RFWD3: variants seen among roughly 807,000 people sequenced by gnomAD.
The protein encoded by RFWD3 is ring finger and WD repeat domain 3, also known as E3 ubiquitin-protein ligase RFWD3.
Under a neutral mutation model 87.7 loss-of-function variants are expected in RFWD3, and 65 were observed. That is an observed-to-expected ratio of 0.74 (90% CI 0.61 to 0.91). The LOEUF (loss-of-function observed/expected upper bound fraction) is 0.91, where lower values mean the gene tolerates loss of function less well. Among genes scored for constraint, RFWD3 ranks in the 40% least tolerant of loss-of-function variants. The probability of loss-of-function intolerance (pLI) is 0.00; values close to 1 mark genes in which losing one functional copy is unlikely to be tolerated. For synonymous variants in RFWD3, 433 were observed against 352.8 expected (o/e 1.23, Z -2.55); for missense variants, 1,078 against 938.5 (o/e 1.15, Z -1.94).
At chr16:74,638,449 A>T (rs1476771478) in intron 6 of RFWD3, among the ~76,000 whole-genome samples, 1 of 152,266 alleles carries the variant, frequency 6.6e-6, no homozygotes, top group Admixed American at 6.5e-5. Context: ...ATAAATAGGC[A>T]TAACGAGGAA....
At chr16:74,665,585 G>T (rs1044159000) in intron 1 of RFWD3, among the ~76,000 whole-genome samples, 9 of 151,222 alleles carry the variant, frequency 6.0e-5, no homozygotes, top group Admixed American at 2.0e-4. Flanking sequence ...CTCAAAAAAA[G>T]AAAGAAAAAA....
intron 6 of RFWD3, among the ~76,000 whole-genome samples, chr16:74,641,718 T>A (rs1959662102): frequency 6.6e-6 from 1 of 151,050 alleles, no homozygotes; most frequent in Non-Finnish European, 1.5e-5. Flanking sequence ...AGGTCAGGAG[T>A]TCCAGACCAG....
In RFWD3 at chr16:74,644,697, A is replaced by T. The variant is rs1959972162; in HGVS notation, c.831T>A (p.Ala277=). 3 of 1,614,086 alleles carry T rather than the reference A, an allele frequency of 1.9e-6. No homozygotes were observed. Among genetic ancestry groups the T allele is most frequent in the Non-Finnish European group, 2.5e-6 (3 of 1,180,026 alleles). ...TGTCCCCTTCTTCCTCATCCATAGA[A>T]GCAGAAGGTAGCAGAGGCTCAGACT... ...PQKSEPLLPS[A]SMDEEEGDTC... is the part of the protein sequence containing the mutation. The change falls in exon 5 of 13, where the codon GCT becomes GCA. Residue 277 remains alanine (A), a synonymous_variant. Transcript: ENST00000361070.
At chr16:74,641,888 T>C (rs900132705) in intron 6 of RFWD3, among the ~76,000 whole-genome samples, 51 of 118,006 alleles carry the variant, frequency 4.3e-4, no homozygotes, top group Admixed American at 3.2e-3. Context: ...GATTGCACCA[T>C]TGCAATCCAG....
intron 2 of RFWD3, among the ~76,000 whole-genome samples, chr16:74,653,694 G>A (rs1006592362): frequency 1.3e-5 from 2 of 151,982 alleles, no homozygotes; most frequent in African/African-American, 2.4e-5. Flanking sequence ...ATTACTGACA[G>A]GTGACCTACT....
At chr16:74,637,418 G>T (rs1003211309) in intron 7 of RFWD3, among the ~76,000 whole-genome samples, 5 of 152,232 alleles carry the variant, frequency 3.3e-5, no homozygotes, top group South Asian at 2.1e-4. Context: ...CCTGAAGTCA[G>T]GTGTTCAAGA....
At chr16:74,643,821 G>A (rs556701985) in intron 6 of RFWD3, among the ~76,000 whole-genome samples, 131 of 152,000 alleles carry the variant, frequency 8.6e-4, no homozygotes, top group South Asian at 2.9e-3. Flanking sequence ...GATTACAGGC[G>A]TCCGCCACTA....
rs1049008501 is a variant in RFWD3, at chr16:74,649,052, A to C, written c.792+80T>G. Reference sequence around the variant, plus strand: ...AGTTATGACTGCACCACTGCACTCTAGCCTGGGTGAGAGTGAGACCTAGTC... The same window carrying C: ...AGTTATGACTGCACCACTGCACTCTCGCCTGGGTGAGAGTGAGACCTAGTC... On this transcript the variant is annotated intron_variant, in intron 4 of 12. Coordinates refer to ENST00000361070, the MANE Select transcript of RFWD3 (RefSeq NM_018124.4). The C allele has an allele frequency of 5.6e-6, 5 of 889,370 alleles. No individual in the cohort carries two copies. The African/African-American group carries it at 8.9e-5, about 16-fold the overall frequency. 55.1% of individuals were successfully genotyped at this position (889,370 alleles called of 1,614,324 possible). A position where few individuals can be genotyped will look rare whatever the true frequency, so the allele number is the denominator to read the frequency against.
chr16:74,624,969 G>A (rs8052367), intron 12 of RFWD3, among the ~76,000 whole-genome samples: 88,276 of 151,790 alleles, frequency 0.58, 26,960 homozygotes, highest in African/African-American at 0.77. Context: ...AGCCTGGACC[G>A]AGTAAGATAC....
intron 12 of RFWD3, among the ~76,000 whole-genome samples, chr16:74,625,251 T>C (rs113598490): frequency 0.13 from 18,828 of 148,010 alleles, 1,442 homozygotes; most frequent in Admixed American, 0.24. Context: ...GAGAGCACGG[T>C]GGCTCATGCT....
intron 10 of RFWD3, among the ~76,000 whole-genome samples, chr16:74,630,390 A>C (rs1959057361): frequency 6.6e-6 from 1 of 152,076 alleles, no homozygotes; most frequent in Non-Finnish European, 1.5e-5. Context: ...AAGCCACCGC[A>C]CCCAGCGACA....
chr16:74,646,058 ATATT>A (rs1410856091), intron 4 of RFWD3, among the ~76,000 whole-genome samples: 2 of 152,010 alleles, frequency 1.3e-5, no homozygotes, highest in East Asian at 3.9e-4. Flanking sequence ...AGTCACAAAT[ATATT>A]CTAAGATAAT....
chr16:74,628,304 A>ATACTCCC, intron 11 of RFWD3, 148 bp downstream of exon 11: 1 of 696,638 alleles, frequency 1.4e-6, no homozygotes, highest in Non-Finnish European at 2.4e-6. Flanking sequence ...TGGAGCCACC[A>ATACTCCC]TACTCCCTGT....
intron 1 of RFWD3, among the ~76,000 whole-genome samples, chr16:74,662,595 T>C (rs1004740300): frequency 3.3e-5 from 5 of 152,120 alleles, no homozygotes; most frequent in Non-Finnish European, 7.4e-5. Flanking sequence ...GGCTGAGGCA[T>C]GAAGGATTAA....
At chr16:74,653,667 CA>C (rs1462819307) in intron 2 of RFWD3, among the ~76,000 whole-genome samples, 3 of 151,914 alleles carry the variant, frequency 2.0e-5, no homozygotes, top group African/African-American at 7.3e-5. Context: ...AAATTTAAAA[CA>C]AAAGGGCAAC....
At chr16:74,640,706 G>A (rs984718325) in intron 6 of RFWD3, among the ~76,000 whole-genome samples, 7 of 151,652 alleles carry the variant, frequency 4.6e-5, no homozygotes, top group Admixed American at 3.9e-4. Context: ...CTGGGAGGCC[G>A]AGGTGAGTGG....
At chr16:74,665,793 C>G (rs1355659621) in intron 1 of RFWD3, among the ~76,000 whole-genome samples, 1 of 151,352 alleles carries the variant, frequency 6.6e-6, no homozygotes, top group African/African-American at 2.4e-5. Flanking sequence ...GTTGCCCAGG[C>G]TGGAGTGCAA....
At chr16:74,624,102 GAGTC>G in intron 12 of RFWD3, 31 bp from the exon 13 acceptor site, 2 of 1,608,440 alleles carry the variant, frequency 1.2e-6, no homozygotes, top group Non-Finnish European at 1.7e-6. Flanking sequence ...GAAGGGTCAG[GAGTC>G]AGTCAGTACA....
intron 6 of RFWD3, among the ~76,000 whole-genome samples, chr16:74,638,966 A>C (rs1959386953): frequency 1.3e-5 from 2 of 152,146 alleles, no homozygotes; most frequent in Admixed American, 1.3e-4. Context: ...CATAATGAAT[A>C]CTATAGGCAA....
Sources: allele counts gnomAD v4.1 joint callset (sites outside exome capture counted in the v4.1 genomes callset), GRCh38; gene constraint gnomAD v4.1.1; transcripts MANE v1.5; gene names NCBI Gene and HGNC (gene_info 2026-07-23, HGNC 2026-07-21).